MAS1: variants seen among roughly 807,000 people sequenced by gnomAD.
The protein encoded by MAS1 is MAS1 proto-oncogene, G protein-coupled receptor, also known as proto-oncogene Mas.
For synonymous variants in MAS1, 163 were observed against 164.2 expected, an observed-to-expected ratio of 0.99 and a Z score of 0.05; for missense variants, 387 against 409.7, an observed-to-expected ratio of 0.94 and a Z score of 0.48.
Position 159,914,199 on chromosome 6 carries a change from G to T in MAS1, c.*6266G>T, listed in dbSNP as rs1782995934. The T allele has an allele frequency of 6.6e-6, 1 of 152,152 alleles. No homozygotes were observed. The highest frequency in any genetic ancestry group is 2.4e-5 in the African/African-American group (1 of 41,430). 9.4% of individuals were successfully genotyped at this position (152,152 alleles called of 1,614,324 possible). On this transcript the variant is annotated 3_prime_UTR_variant, in exon 3 of 3. Transcript: ENST00000674077. ...CTTTTTGTGATTCTCTGAATTCTCTGTCAGACATTTCGGAGATCTTCAATT... is the reference window on the plus strand; with the variant it reads ...CTTTTTGTGATTCTCTGAATTCTCTTTCAGACATTTCGGAGATCTTCAATT...
At chr6:159,891,473 G>GGAGGTTT (rs1359822585) in intron 1 of MAS1, among the ~76,000 whole-genome samples, 3 of 152,178 alleles carry the variant, frequency 2.0e-5, no homozygotes, top group Non-Finnish European at 4.4e-5. Flanking sequence ...TGGTGGACTT[G>GGAGGTTT]GAGGTTTTCA....
chr6:159,917,021 A>C lies in MAS1; in HGVS notation c.*9088A>C, dbSNP rs1783035063. On this transcript the variant is annotated 3_prime_UTR_variant, in exon 3 of 3. Coordinates refer to ENST00000674077, the MANE Select transcript of MAS1 (RefSeq NM_002377.4). ...CTCAGCTTGTGGGTTTTACAAAAAC[A>C]GGTGGCAGCCAGATTTGGTAGTGGC... is the stretch of plus-strand genomic sequence containing the variant. Among the ~76,000 whole-genome samples the C allele has an allele frequency of 6.6e-6, 1 of 152,260 alleles. No homozygotes were observed.
chr6:159,907,880 C>A lies in MAS1; in HGVS notation c.925C>A (p.Pro309Thr). The stretch of plus-strand genomic sequence containing the variant: ...CAGGGCTTTCAAAGATGAAATGCAA[C>A]CTCGGCGCCAGAAAGACAATTGTAA... Reference protein sequence around the residue: ...LTRAFKDEMQPRRQKDNCNTV... With the variant: ...LTRAFKDEMQTRRQKDNCNTV... The change falls in exon 3 of 3, where the codon CCT (proline) becomes ACT (threonine). Residue 309 changes from proline to threonine, a missense_variant. Physicochemically the swap from Pro to Thr is conservative, Grantham distance 38. Coordinates refer to ENST00000674077, the MANE Select transcript of MAS1 (RefSeq NM_002377.4). 1 of 1,610,396 alleles carries A rather than the reference C, an allele frequency of 6.2e-7. No individual in the cohort carries two copies. The highest frequency in any genetic ancestry group is 8.5e-7 in the Non-Finnish European group (1 of 1,179,264).
In MAS1 at chr6:159,916,608, G is replaced by A. The variant is rs1050371912; in HGVS notation, c.*8675G>A. On this transcript the variant is annotated 3_prime_UTR_variant, in exon 3 of 3. Transcript: ENST00000674077. ...GAGACAGGTGCCAAGTCAATACTTG[G>A]GTGATGAAGGATGAAGACAAACCTC... is the stretch of plus-strand genomic sequence containing the variant. The A allele has an allele frequency of 6.6e-6, 1 of 152,178 alleles. No homozygotes were observed. Among genetic ancestry groups the A allele is most frequent in the Non-Finnish European group, 1.5e-5 (1 of 68,030 alleles). The allele number at this position is 152,178 out of a possible 1,614,324, so 9.4% of individuals were successfully genotyped here.
chr6:159,890,871 G>A (rs769517929), upstream of MAS1, among the ~76,000 whole-genome samples: 6 of 152,326 alleles, frequency 3.9e-5, no homozygotes, highest in Admixed American at 2.0e-4. Context: ...CTGGATTGGC[G>A]TGAAGATTTT....
At chr6:159,892,169 G>A (rs1382167619) in intron 1 of MAS1, among the ~76,000 whole-genome samples, 2 of 152,136 alleles carry the variant, frequency 1.3e-5, no homozygotes, top group South Asian at 4.1e-4. Flanking sequence ...GGGGAAGACG[G>A]GAATGATGCA....
At position 159,911,416 on chromosome 6, in the gene MAS1, C is replaced by T. The variant is rs1455991970; in HGVS notation, c.*3483C>T. 6.9e-6 allele frequency: 1 copy of T among 145,760 alleles called. No individual in the cohort carries two copies. The allele number at this position is 145,760 out of a possible 1,614,324, so 9.0% of individuals were successfully genotyped here. A position where few individuals can be genotyped will look rare whatever the true frequency, so the allele number is the denominator to read the frequency against. ...GTGGCGTGATTTCGGCTCACTGCAACCTCCACCTCCCAGGTTCAAGCAATT... is the reference window on the plus strand; with the variant it reads ...GTGGCGTGATTTCGGCTCACTGCAATCTCCACCTCCCAGGTTCAAGCAATT... On this transcript the variant is annotated 3_prime_UTR_variant, in exon 3 of 3. Transcript: ENST00000674077.
At chr6:159,894,343 C>T (rs543320368) in intron 1 of MAS1, among the ~76,000 whole-genome samples, 13 of 149,912 alleles carry the variant, frequency 8.7e-5, no homozygotes, top group South Asian at 6.3e-4. Context: ...CACTTGAACC[C>T]GGGAGGCGGA....
rs181594188 is a variant in MAS1 at position 159,903,881 on chromosome 6, C to A, written c.-36-3039C>A. Among the ~76,000 whole-genome samples the A allele has an allele frequency of 1.5e-4, 23 of 152,328 alleles. No individual in the cohort carries two copies. In the East Asian group the frequency reaches 4.0e-3, roughly 27 times the overall value. ...TCACTGTCTTCACCTGTTCTCCTCC[C>A]ATTCTGTCTAAACCACTTGCATCAG... On this transcript the variant is annotated intron_variant, in intron 2 of 2. Coordinates refer to ENST00000674077, the MANE Select transcript of MAS1 (RefSeq NM_002377.4).
intron 1 of MAS1, among the ~76,000 whole-genome samples, chr6:159,894,540 G>A (rs1053734522): frequency 3.9e-5 from 6 of 152,132 alleles, no homozygotes; most frequent in Non-Finnish European, 7.4e-5. Context: ...AGGAGAGCCA[G>A]AGGGAAGAAA....
intron 1 of MAS1, among the ~76,000 whole-genome samples, chr6:159,895,849 C>A (rs1281516202): frequency 1.3e-5 from 2 of 152,142 alleles, no homozygotes; most frequent in Non-Finnish European, 2.9e-5. Flanking sequence ...AACGTTTATA[C>A]CCTTTGGTCT....
chr6:159,905,887 A>C (rs750883354), intron 2 of MAS1, among the ~76,000 whole-genome samples: 10 of 152,078 alleles, frequency 6.6e-5, no homozygotes, highest in Non-Finnish European at 1.0e-4. Flanking sequence ...ACTAAAATAC[A>C]AAAAATTAGC....
At chr6:159,897,173 C>T (rs1782763843) in intron 1 of MAS1, among the ~76,000 whole-genome samples, 1 of 151,880 alleles carries the variant, frequency 6.6e-6, no homozygotes, top group Admixed American at 6.5e-5. Context: ...CACCCCCGGC[C>T]GGAGACTGGG....
chr6:159,889,229 C>T (rs1036491875), upstream of MAS1, among the ~76,000 whole-genome samples: 1 of 152,190 alleles, frequency 6.6e-6, no homozygotes, highest in African/African-American at 2.4e-5. Flanking sequence ...GTCCTCTGCC[C>T]GTGTGGACAG....
chr6:159,899,152 A>G (rs1305213515), intron 1 of MAS1, 34 bp from the exon 2 acceptor site: 1 of 152,282 alleles, frequency 6.6e-6, no homozygotes, highest in Non-Finnish European at 1.5e-5. Context: ...ACACTGCGAT[A>G]TTCTCACAGT....
chr6:159,892,288 A>G (rs200976641), intron 1 of MAS1, among the ~76,000 whole-genome samples: 1 of 152,142 alleles, frequency 6.6e-6, no homozygotes, highest in Non-Finnish European at 1.5e-5. Context: ...GTGACTGCAC[A>G]CACACACAGG....
At chr6:159,905,832 G>C (rs1045924558) in intron 2 of MAS1, among the ~76,000 whole-genome samples, 1 of 152,018 alleles carries the variant, frequency 6.6e-6, no homozygotes, top group Non-Finnish European at 1.5e-5. Flanking sequence ...ACCTGAGGTC[G>C]GGAGTTCAAG....
intron 1 of MAS1, among the ~76,000 whole-genome samples, chr6:159,895,509 CAT>C (rs1214230521): frequency 1.3e-5 from 2 of 152,082 alleles, no homozygotes; most frequent in African/African-American, 4.8e-5. Context: ...TAACGTATAA[CAT>C]ATAACAAATT....
intron 2 of MAS1, among the ~76,000 whole-genome samples, chr6:159,905,503 G>A (rs1392422231): frequency 6.6e-6 from 1 of 152,176 alleles, no homozygotes; most frequent in Admixed American, 6.5e-5. Context: ...CTGGGTGCCT[G>A]GATCACATCG....
Sources: allele counts gnomAD v4.1 joint callset (sites outside exome capture counted in the v4.1 genomes callset), GRCh38; gene constraint gnomAD v4.1.1; transcripts MANE v1.5; gene names NCBI Gene and HGNC (gene_info 2026-07-23, HGNC 2026-07-21).